PYDC5: variants seen among roughly 807,000 people sequenced by gnomAD.
PYDC5 encodes the protein pyrin domain containing 5.
At chr1:159,002,393 T>C in the PYDC5 span, among the ~76,000 whole-genome samples, 3 of 152,210 alleles carry the variant, frequency 2.0e-5, no homozygotes, top group East Asian at 5.8e-4. Flanking sequence ...AGTGTTATAA[T>C]TGAAGCATTA....
At chr1:158,999,987 G>T in the PYDC5 span, 3 of 152,778 alleles carry the variant, frequency 2.0e-5, no homozygotes, top group Middle Eastern at 2.7e-3. Flanking sequence ...TGCATTCCCA[G>T]AAATGCCATG....
the PYDC5 span, among the ~76,000 whole-genome samples, chr1:159,001,922 A>G: frequency 6.6e-6 from 1 of 152,230 alleles, no homozygotes; most frequent in Non-Finnish European, 1.5e-5. Context: ...TACACACTGT[A>G]GTTGAGAAGT....
At chr1:159,001,173 A>T in the PYDC5 span, among the ~76,000 whole-genome samples, 6 of 152,248 alleles carry the variant, frequency 3.9e-5, no homozygotes. Context: ...TGTACAGCCC[A>T]TGTGAAAAAT....
the PYDC5 span, chr1:158,999,995 A>C: frequency 6.5e-6 from 1 of 153,040 alleles, no homozygotes; most frequent in African/African-American, 2.4e-5. Context: ...CAGAAATGCC[A>C]TGAAAGGAAA....
the PYDC5 span, among the ~76,000 whole-genome samples, chr1:159,002,008 G>A: frequency 3.3e-5 from 5 of 152,252 alleles, no homozygotes; most frequent in African/African-American, 1.2e-4. Flanking sequence ...CATGAAGCCT[G>A]GAAGACACAA....
the PYDC5 span, among the ~76,000 whole-genome samples, chr1:159,001,586 CCT>C: frequency 6.6e-6 from 1 of 152,054 alleles, no homozygotes; most frequent in Non-Finnish European, 1.5e-5. Flanking sequence ...CATGAACGCC[CCT>C]GTCTTACCAG....
the PYDC5 span, among the ~76,000 whole-genome samples, chr1:159,001,327 T>G: frequency 6.6e-6 from 1 of 152,314 alleles, no homozygotes; most frequent in East Asian, 1.9e-4. Context: ...AGAAAGGATG[T>G]TTATGAGCTG....
chr1:159,002,601 T>TA, the PYDC5 span, among the ~76,000 whole-genome samples: 21 of 152,334 alleles, frequency 1.4e-4, no homozygotes, highest in African/African-American at 5.1e-4. Context: ...CTGCTTGTAA[T>TA]ATATAAGCAT....
At chr1:159,000,675 G>A in the PYDC5 span, among the ~76,000 whole-genome samples, 5 of 152,152 alleles carry the variant, frequency 3.3e-5, no homozygotes, top group Non-Finnish European at 5.9e-5. Flanking sequence ...AGTAGATAAA[G>A]CTCAATTTTT....
At chr1:159,001,747 A>G in the PYDC5 span, among the ~76,000 whole-genome samples, 1 of 152,238 alleles carries the variant, frequency 6.6e-6, no homozygotes, top group Non-Finnish European at 1.5e-5. Flanking sequence ...AACAATTTAT[A>G]TATAAGAAAA....
At chr1:159,000,741 T>C in the PYDC5 span, among the ~76,000 whole-genome samples, 1 of 152,192 alleles carries the variant, frequency 6.6e-6, no homozygotes, top group Non-Finnish European at 1.5e-5. Flanking sequence ...GATATTTATT[T>C]TCCCCAAATC....
At chr1:159,002,221 AT>A in the PYDC5 span, among the ~76,000 whole-genome samples, 1 of 152,180 alleles carries the variant, frequency 6.6e-6, no homozygotes, top group Non-Finnish European at 1.5e-5. Flanking sequence ...ATATTACTGA[AT>A]TCAAGTCTTC....
the PYDC5 span, chr1:159,000,303 T>C: frequency 8.1e-6 from 2 of 247,352 alleles, no homozygotes; most frequent in African/African-American, 2.3e-5. Context: ...TCCTTATATT[T>C]ACTCTCCATC....
At chr1:159,001,596 C>T in the PYDC5 span, among the ~76,000 whole-genome samples, 1 of 151,980 alleles carries the variant, frequency 6.6e-6, no homozygotes, top group African/African-American at 2.4e-5. Context: ...CCTGTCTTAC[C>T]AGTGAAAGAA....
chr1:159,001,334 G>A, the PYDC5 span, among the ~76,000 whole-genome samples: 1 of 152,212 alleles, frequency 6.6e-6, no homozygotes, highest in Middle Eastern at 3.2e-3. Context: ...ATGTTTATGA[G>A]CTGAAGATAA....
At chr1:159,002,647 G>C in the PYDC5 span, among the ~76,000 whole-genome samples, 1 of 152,122 alleles carries the variant, frequency 6.6e-6, no homozygotes, top group East Asian at 1.9e-4. Flanking sequence ...AAATGCTGTT[G>C]CTATTTGTTT....
the PYDC5 span, chr1:159,000,012 G>C: frequency 6.5e-6 from 1 of 153,848 alleles, no homozygotes; most frequent in Non-Finnish European, 1.5e-5. Flanking sequence ...GAAAGACCAA[G>C]TCTTGACTGA....
chr1:159,002,386 GTTATAATTGAAGCA>G, the PYDC5 span, among the ~76,000 whole-genome samples: 1 of 151,870 alleles, frequency 6.6e-6, no homozygotes, highest in African/African-American at 2.4e-5. Flanking sequence ...ATATAGTAGT[GTTATAATTGAAGCA>G]TTAGCAATTA....
chr1:159,000,710 T>C, the PYDC5 span, among the ~76,000 whole-genome samples: 1 of 152,194 alleles, frequency 6.6e-6, no homozygotes, highest in Non-Finnish European at 1.5e-5. Context: ...ATGGATCATG[T>C]TTTTGGAATC....
Sources: gnomAD v4.1 joint callset for allele counts (sites outside exome capture counted in the v4.1 genomes callset) on GRCh38, gnomAD v4.1.1 for gene constraint, MANE v1.5 for transcripts, NCBI Gene and HGNC (gene_info 2026-07-23, HGNC 2026-07-21) for gene names.